The following NTM variants were observed in gnomAD, a reference collection of about 807,000 sequenced individuals.
NTM encodes neurotrimin.
In NTM, 13 loss-of-function variants were observed where a neutral mutation model predicts 42.1. The ratio of observed to expected loss-of-function variants is 0.31; its 90% CI spans 0.20 to 0.49. The LOEUF (loss-of-function observed/expected upper bound fraction) is 0.49, where lower values mean the gene tolerates loss of function less well. Ranked by LOEUF, NTM falls within the 20% of genes least tolerant of loss-of-function variation. NTM has a pLI of 0.99. For synonymous variants in NTM, 187 were observed against 179.2 expected (o/e 1.04, Z -0.35); for missense variants, 373 against 452.8 (o/e 0.82, Z 1.60).
At chr11:132,255,537 G>C (rs1485534221) in intron 4 of NTM, among the ~76,000 whole-genome samples, 1 of 152,194 alleles carries the variant, frequency 6.6e-6, no homozygotes, top group African/African-American at 2.4e-5. Context: ...AAAATGCCAA[G>C]AGGCAAATCT....
intron 1 of NTM, among the ~76,000 whole-genome samples, chr11:131,811,327 C>T (rs1298708768): frequency 6.6e-6 from 1 of 152,186 alleles, no homozygotes; most frequent in Non-Finnish European, 1.5e-5. Flanking sequence ...ATAGCAAAGG[C>T]ATAACCCAGA....
chr11:131,459,439 G>A (rs1043045231), intron 1 of NTM, among the ~76,000 whole-genome samples: 10 of 152,190 alleles, frequency 6.6e-5, no homozygotes, highest in Non-Finnish European at 1.3e-4. Context: ...AGTATTATCA[G>A]TATTTATTAT....
At chr11:132,324,544 C>T (rs2095638679) in intron 7 of NTM, among the ~76,000 whole-genome samples, 1 of 151,622 alleles carries the variant, frequency 6.6e-6, no homozygotes, top group African/African-American at 2.4e-5. Context: ...AATGGAAGAA[C>T]ATTCCATGCT....
At chr11:131,556,837 A>G (rs1263969286) in intron 1 of NTM, among the ~76,000 whole-genome samples, 1 of 152,208 alleles carries the variant, frequency 6.6e-6, no homozygotes, top group African/African-American at 2.4e-5. Flanking sequence ...AAGTGCTGCC[A>G]TTACAGGCGT....
At chr11:131,821,341 C>T (rs1745469017) in intron 1 of NTM, among the ~76,000 whole-genome samples, 1 of 152,168 alleles carries the variant, frequency 6.6e-6, no homozygotes, top group African/African-American at 2.4e-5. Flanking sequence ...TTCTTGTGGT[C>T]CAGGCAGGGC....
chr11:131,372,014 C>T (rs566718289), intron 1 of NTM, among the ~76,000 whole-genome samples: 2 of 152,266 alleles, frequency 1.3e-5, no homozygotes, highest in African/African-American at 4.8e-5. Context: ...CCCTCTTCTC[C>T]CCCTGCAATA....
chr11:132,193,482 AT>A (rs1182137543), intron 3 of NTM, among the ~76,000 whole-genome samples: 2 of 152,122 alleles, frequency 1.3e-5, no homozygotes, highest in Non-Finnish European at 1.5e-5. Context: ...GGAAAAAAAA[AT>A]AGATCAGAAT....
chr11:132,316,276 T>C (rs2136193253), intron 7 of NTM, among the ~76,000 whole-genome samples: 1 of 152,178 alleles, frequency 6.6e-6, no homozygotes, highest in African/African-American at 2.4e-5. Flanking sequence ...CTCGTAAGAG[T>C]TGAATAGATG....
intron 2 of NTM, among the ~76,000 whole-genome samples, chr11:131,986,824 GA>G (rs374046939): frequency 1.4e-4 from 22 of 152,134 alleles, no homozygotes; most frequent in African/African-American, 4.6e-4. Flanking sequence ...TTCATTGAAT[GA>G]AAAAAATGAT....
At chr11:132,047,517 C>T (rs935928695) in intron 2 of NTM, among the ~76,000 whole-genome samples, 1 of 152,212 alleles carries the variant, frequency 6.6e-6, no homozygotes, top group African/African-American at 2.4e-5. Context: ...ATCTCAGCAC[C>T]TCTTATTTAT....
intron 1 of NTM, among the ~76,000 whole-genome samples, chr11:131,860,350 C>G (rs1261630230): frequency 1.3e-5 from 2 of 152,172 alleles, no homozygotes; most frequent in Admixed American, 1.3e-4. Context: ...CAGGCAGAGT[C>G]TGAAGGAACC....
intron 4 of NTM, chr11:132,284,212 G>T (rs1456038197): frequency 6.6e-6 from 1 of 152,280 alleles, no homozygotes; most frequent in Non-Finnish European, 1.5e-5. Flanking sequence ...TCTACTGGTT[G>T]CTAGCGCTGA....
At chr11:132,269,514 A>G (rs944669860) in intron 4 of NTM, among the ~76,000 whole-genome samples, 1 of 152,228 alleles carries the variant, frequency 6.6e-6, no homozygotes, top group Non-Finnish European at 1.5e-5. Flanking sequence ...ATGGCAGATT[A>G]TTATATAGGT....
intron 1 of NTM, among the ~76,000 whole-genome samples, chr11:131,668,250 C>CTCTA (rs10667464): frequency 0.68 from 99,796 of 147,680 alleles, 33,889 homozygotes; most frequent in Non-Finnish European, 0.71. Flanking sequence ...GTATATCTAC[C>CTCTA]TCTATCTATC....
chr11:132,206,367 A>C (rs1490390404), intron 3 of NTM, among the ~76,000 whole-genome samples: 3 of 152,170 alleles, frequency 2.0e-5, no homozygotes, highest in Admixed American at 6.5e-5. Context: ...GATTCTGTCA[A>C]AATTTATGGA....
rs564288093 is a variant in NTM at position 131,639,828 on chromosome 11, C to T, written c.82+268940C>T. ...AAAATTAGCCGGGTGTGGTGGCGGG[C>T]GCCTGTAGTCCCAGCTACTTGAGAG... On this transcript the variant is annotated intron_variant, in intron 1 of 8. Coordinates refer to ENST00000683400, the MANE Select transcript of NTM (RefSeq NM_001352005.2). 3.8e-4 allele frequency among the ~76,000 whole-genome samples: 58 copies of T among 151,994 alleles called. No individual in the cohort carries two copies. The South Asian group carries it at 9.8e-3, about 26-fold the overall frequency.
chr11:132,292,787 T>TAAAA (rs61603794), intron 4 of NTM, among the ~76,000 whole-genome samples: 650 of 56,548 alleles, frequency 0.011, 19 homozygotes, highest in African/African-American at 0.017. Context: ...GATGTAAAAG[T>TAAAA]AAAAAAAAAA....
At chr11:131,464,044 C>G (rs1460435770) in intron 1 of NTM, among the ~76,000 whole-genome samples, 5 of 152,222 alleles carry the variant, frequency 3.3e-5, no homozygotes, top group Non-Finnish European at 7.3e-5. Context: ...TAGGCAGTTT[C>G]CCCGTCTCCC....
chr11:132,170,416 C>A (rs149750745), intron 3 of NTM, among the ~76,000 whole-genome samples: 2 of 152,308 alleles, frequency 1.3e-5, no homozygotes, highest in Admixed American at 1.3e-4. Context: ...CTAGGTCTTA[C>A]TTCCTTTAGA....
Sources: allele counts gnomAD v4.1 joint callset (sites outside exome capture counted in the v4.1 genomes callset), GRCh38; gene constraint gnomAD v4.1.1; transcripts MANE v1.5; gene names NCBI Gene and HGNC (gene_info 2026-07-23, HGNC 2026-07-21).